The following SEMA5A variants were observed in gnomAD, a reference collection of about 807,000 sequenced individuals.
SEMA5A encodes the protein semaphorin-5A.
In SEMA5A, 55 loss-of-function variants were observed where a neutral mutation model predicts 135.5. That is an observed-to-expected ratio of 0.41 (90% CI 0.33 to 0.51). SEMA5A has a LOEUF of 0.51. Ranked by LOEUF, SEMA5A falls within the 20% of genes least tolerant of loss-of-function variation. The pLI, the probability that SEMA5A is intolerant of heterozygous loss-of-function variation, is 0.37. For missense variants in SEMA5A, 1,290 were observed against 1,419.9 expected (o/e 0.91, Z 1.47); for synonymous variants, 580 against 546.5 (o/e 1.06, Z -0.85).
At chr5:9,518,167 T>C (rs1388666268) in intron 1 of SEMA5A, 1 of 152,210 alleles carries the variant, frequency 6.6e-6, no homozygotes, top group African/African-American at 2.4e-5. Flanking sequence ...GTGAGTGCTT[T>C]GCTCATGCAC....
chr5:9,054,851 C>T (rs1736802834), intron 18 of SEMA5A, among the ~76,000 whole-genome samples: 1 of 152,174 alleles, frequency 6.6e-6, no homozygotes, highest in Non-Finnish European at 1.5e-5. Flanking sequence ...TTAAGTACAG[C>T]CACACAGACT....
chr5:9,079,554 CAAAG>C (rs1339827474), intron 16 of SEMA5A, among the ~76,000 whole-genome samples: 1 of 151,630 alleles, frequency 6.6e-6, no homozygotes, highest in Admixed American at 6.6e-5. Flanking sequence ...CAAGAAATAA[CAAAG>C]AAAGAGCTTC....
At chr5:9,178,051 T>C (rs548930071) in intron 11 of SEMA5A, among the ~76,000 whole-genome samples, 1 of 152,322 alleles carries the variant, frequency 6.6e-6, no homozygotes, top group South Asian at 2.1e-4. Flanking sequence ...TGATGTCTCA[T>C]GGTGACAGAA....
chr5:9,133,608 G>C (rs1481562656), intron 13 of SEMA5A, among the ~76,000 whole-genome samples: 1 of 152,108 alleles, frequency 6.6e-6, no homozygotes, highest in East Asian at 1.9e-4. Flanking sequence ...AGAGATGGTA[G>C]AGGAGGCAGC....
intron 1 of SEMA5A, among the ~76,000 whole-genome samples, chr5:9,457,966 G>A (rs1453001372): frequency 7.2e-6 from 1 of 138,448 alleles, no homozygotes; most frequent in Non-Finnish European, 1.5e-5. Flanking sequence ...GGAGTGCAGT[G>A]GCGCCATCTC....
At chr5:9,107,833 TGA>T (rs2150154435) in intron 16 of SEMA5A, among the ~76,000 whole-genome samples, 1 of 152,222 alleles carries the variant, frequency 6.6e-6, no homozygotes, top group East Asian at 1.9e-4. Flanking sequence ...ATCCAGTGTG[TGA>T]GAGGACCTGG....
intron 12 of SEMA5A, among the ~76,000 whole-genome samples, chr5:9,152,202 C>T (rs1313566295): frequency 1.3e-5 from 2 of 152,206 alleles, no homozygotes; most frequent in African/African-American, 2.4e-5. Flanking sequence ...ACAGCACAGG[C>T]CTGCGGCTTC....
Position 9,042,864 on chromosome 5 carries a change from G to C in SEMA5A, c.*33C>G, listed in dbSNP as rs1269718125. 5 of 1,612,610 alleles carry C rather than the reference G, an allele frequency of 3.1e-6. No individual in the cohort carries two copies. Among genetic ancestry groups the C allele is most frequent in the East Asian group, 4.5e-5 (2 of 44,834 alleles). On this transcript the variant is annotated 3_prime_UTR_variant, in exon 23 of 23. Coordinates refer to ENST00000382496, the MANE Select transcript of SEMA5A (RefSeq NM_003966.3). Reference sequence around the variant, plus strand: ...ATGGGGCACAGGCCTTGAGGAACTGGGGATTTACAAGAAGCCAAAAACATG... The same window carrying C: ...ATGGGGCACAGGCCTTGAGGAACTGCGGATTTACAAGAAGCCAAAAACATG...
At chr5:9,247,425 T>C (rs942114298) in intron 5 of SEMA5A, among the ~76,000 whole-genome samples, 1 of 152,198 alleles carries the variant, frequency 6.6e-6, no homozygotes, top group African/African-American at 2.4e-5. Flanking sequence ...TCTAGTCTTC[T>C]GAAACTGGCT....
chr5:9,535,466 C>T (rs1334998979), intron 1 of SEMA5A, among the ~76,000 whole-genome samples: 5 of 152,106 alleles, frequency 3.3e-5, no homozygotes, highest in African/African-American at 1.2e-4. Context: ...ACTCTCACCT[C>T]CACTCTCCCA....
At chr5:9,418,511 G>A (rs570405927) in intron 2 of SEMA5A, among the ~76,000 whole-genome samples, 4 of 152,242 alleles carry the variant, frequency 2.6e-5, no homozygotes, top group African/African-American at 9.6e-5. Context: ...ATCAGCATTT[G>A]GTTCCAGCTG....
chr5:9,249,813 G>T (rs1380598307), intron 5 of SEMA5A, among the ~76,000 whole-genome samples: 2 of 152,104 alleles, frequency 1.3e-5, no homozygotes, highest in Non-Finnish European at 2.9e-5. Context: ...GTGAATAAGT[G>T]GAAGAGTAGA....
At chr5:9,310,796 T>TGTATAC (rs1388895320) in intron 5 of SEMA5A, among the ~76,000 whole-genome samples, 1 of 74,308 alleles carries the variant, frequency 1.3e-5, no homozygotes, top group Non-Finnish European at 4.3e-5. Context: ...ATAGTTTGCA[T>TGTATAC]ATATACATAT....
chr5:9,509,152 G>A (rs1362928957), intron 1 of SEMA5A, among the ~76,000 whole-genome samples: 1 of 7,518 alleles, frequency 1.3e-4, no homozygotes, highest in Non-Finnish European at 2.0e-3. Context: ...CCACAGGGGT[G>A]AAGAAAAGAG....
intron 5 of SEMA5A, among the ~76,000 whole-genome samples, chr5:9,311,516 TC>T (rs781113019): frequency 1.4e-5 from 2 of 144,842 alleles, no homozygotes; most frequent in Non-Finnish European, 3.0e-5. Context: ...CACCACATGT[TC>T]TCACTCATAG....
chr5:9,117,023 C>T (rs1740550791), intron 15 of SEMA5A, among the ~76,000 whole-genome samples: 2 of 152,184 alleles, frequency 1.3e-5, no homozygotes, highest in African/African-American at 4.8e-5. Flanking sequence ...AGTCCCTGTT[C>T]TTACTATCCA....
At chr5:9,071,184 G>T (rs1051825272) in intron 16 of SEMA5A, among the ~76,000 whole-genome samples, 2 of 152,158 alleles carry the variant, frequency 1.3e-5, no homozygotes, top group Non-Finnish European at 2.9e-5. Context: ...CCAGTCAACA[G>T]TGATAAAAGC....
intron 5 of SEMA5A, among the ~76,000 whole-genome samples, chr5:9,292,633 T>C (rs1198289174): frequency 6.6e-6 from 1 of 152,170 alleles, no homozygotes; most frequent in East Asian, 1.9e-4. Context: ...TTCATGGTGA[T>C]TTATTCAATA....
At chr5:9,117,857 AG>A (rs57835254) in intron 15 of SEMA5A, among the ~76,000 whole-genome samples, 3,166 of 152,308 alleles carry the variant, frequency 0.021, 59 homozygotes, top group African/African-American at 0.054. Context: ...AGAAAATGAC[AG>A]GGCTTGCACA....
Sources: gnomAD v4.1 joint callset for allele counts (sites outside exome capture counted in the v4.1 genomes callset) on GRCh38, gnomAD v4.1.1 for gene constraint, MANE v1.5 for transcripts, NCBI Gene and HGNC (gene_info 2026-07-23, HGNC 2026-07-21) for gene names.